The following DPYD variants were observed in gnomAD, a reference collection of about 807,000 sequenced individuals.
DPYD encodes the protein dihydropyrimidine dehydrogenase [NADP(+)].
Under a neutral mutation model 116.2 loss-of-function variants are expected in DPYD, and 109 were observed. The observed-to-expected ratio is 0.94, with a 90% CI of 0.80 to 1.10. The LOEUF is 1.10. Among genes scored for constraint, DPYD ranks in the 50% least tolerant of loss-of-function variants. The probability of loss-of-function intolerance (pLI) is 0.00; values close to 1 mark genes in which losing one functional copy is unlikely to be tolerated. For synonymous variants in DPYD, 440 were observed against 432.0 expected (o/e 1.02, Z -0.23); for missense variants, 1,302 against 1,254.5 (o/e 1.04, Z -0.57).
chr1:97,727,196 G>A (rs1465370572), intron 4 of DPYD, among the ~76,000 whole-genome samples: 5 of 151,674 alleles, frequency 3.3e-5, no homozygotes, highest in African/African-American at 1.2e-4. Flanking sequence ...GCATTAAATG[G>A]GTAACAGTCA....
intron 14 of DPYD, among the ~76,000 whole-genome samples, chr1:97,401,106 A>C (rs973553366): frequency 6.6e-6 from 1 of 152,004 alleles, no homozygotes; most frequent in Non-Finnish European, 1.5e-5. Flanking sequence ...CTATCTGTTT[A>C]TCTTCTTTGA....
intron 10 of DPYD, among the ~76,000 whole-genome samples, chr1:97,578,748 T>A (rs1216463044): frequency 6.6e-6 from 1 of 152,132 alleles, no homozygotes. Context: ...GTTCCCTTTG[T>A]GGGAAGAGGA....
chr1:97,693,290 C>CAAAAAAAAAAAAAAAAAAAAAAAAAAAAA (rs201872835), intron 6 of DPYD, among the ~76,000 whole-genome samples: 1 of 41,844 alleles, frequency 2.4e-5, no homozygotes. Context: ...GACTCCGTCT[C>CAAAAAAAAAAAAAAAAAAAAAAAAAAAAA]AAAAAAAAAA....
chr1:97,564,674 C>T (rs1239603636), intron 11 of DPYD, among the ~76,000 whole-genome samples: 1 of 152,072 alleles, frequency 6.6e-6, no homozygotes, highest in African/African-American at 2.4e-5. Flanking sequence ...ACCTGTTTAC[C>T]TCCCAGCTAG....
In DPYD at chr1:97,730,981, T is replaced by C. The variant is rs372360821; in HGVS notation, c.322-9310A>G. ...GAGAATCTTTAAGTTTGAGAAATTA[T>C]TGAAAGGTGAAGATTATTAATCAAA... On this transcript the variant is annotated intron_variant, in intron 4 of 22. Transcript: ENST00000370192. 5.3e-5 allele frequency among the ~76,000 whole-genome samples: 8 copies of C among 152,162 alleles called. No individual in the cohort carries two copies. In the East Asian group the frequency reaches 1.5e-3, roughly 29 times the overall value.
intron 13 of DPYD, among the ~76,000 whole-genome samples, chr1:97,474,846 T>C (rs1677865098): frequency 6.6e-6 from 1 of 151,996 alleles, no homozygotes; most frequent in African/African-American, 2.4e-5. Flanking sequence ...ATTAATAAAA[T>C]GCAATTCAGA....
chr1:97,520,129 G>C (rs964158992), intron 12 of DPYD, among the ~76,000 whole-genome samples: 5 of 151,916 alleles, frequency 3.3e-5, no homozygotes, highest in Non-Finnish European at 5.9e-5. Flanking sequence ...TGTTCATATA[G>C]AACTATTTTC....
At chr1:97,861,126 C>G (rs1372140205) in intron 2 of DPYD, among the ~76,000 whole-genome samples, 4 of 151,642 alleles carry the variant, frequency 2.6e-5, no homozygotes, top group Admixed American at 1.3e-4. Flanking sequence ...CAAAATACAC[C>G]GCAAAAAATA....
chr1:97,410,590 T>C (rs919778405), intron 14 of DPYD, among the ~76,000 whole-genome samples: 1 of 152,182 alleles, frequency 6.6e-6, no homozygotes, highest in Admixed American at 6.5e-5. Flanking sequence ...TTAAAAAATA[T>C]GCCATCGGAA....
chr1:97,916,364 G>A (rs182356068), intron 1 of DPYD, among the ~76,000 whole-genome samples: 243 of 152,132 alleles, frequency 1.6e-3, no homozygotes, highest in African/African-American at 5.6e-3. Flanking sequence ...GGTGTGTGAT[G>A]TTCCCCTTCC....
chr1:97,660,845 T>C (rs1029210553), intron 8 of DPYD, among the ~76,000 whole-genome samples: 3 of 152,174 alleles, frequency 2.0e-5, no homozygotes, highest in Non-Finnish European at 4.4e-5. Flanking sequence ...GCCTATGTTC[T>C]TCTTTTCTGG....
At chr1:97,815,013 G>A (rs1220392664) in intron 3 of DPYD, among the ~76,000 whole-genome samples, 2 of 149,512 alleles carry the variant, frequency 1.3e-5, no homozygotes, top group Admixed American at 6.7e-5. Flanking sequence ...AAGGGAAAAG[G>A]AAAAGGAAAG....
chr1:97,601,120 T>C (rs1190201304), intron 8 of DPYD, among the ~76,000 whole-genome samples: 2 of 152,156 alleles, frequency 1.3e-5, no homozygotes, highest in African/African-American at 4.8e-5. Flanking sequence ...AATCTCATTA[T>C]TTCCATTTTC....
At chr1:97,318,616 C>T (rs1668017382) in intron 16 of DPYD, among the ~76,000 whole-genome samples, 1 of 151,710 alleles carries the variant, frequency 6.6e-6, no homozygotes, top group Non-Finnish European at 1.5e-5. Context: ...ACTTAGACTC[C>T]CACACATTAA....
intron 16 of DPYD, among the ~76,000 whole-genome samples, chr1:97,330,991 AAACGC>A (rs1402031761): frequency 2.6e-5 from 4 of 152,230 alleles, no homozygotes; most frequent in Non-Finnish European, 5.9e-5. Context: ...TTTAAAAATA[AAACGC>A]AACTGCAAAG....
chr1:97,238,532 A>T (rs1203910163), intron 18 of DPYD, among the ~76,000 whole-genome samples: 2 of 152,342 alleles, frequency 1.3e-5, no homozygotes, highest in African/African-American at 2.4e-5. Flanking sequence ...AAGTAATAAT[A>T]GGTTCAAGAT....
chr1:97,169,431 G>T (rs1557908206), intron 20 of DPYD, among the ~76,000 whole-genome samples: 1 of 152,058 alleles, frequency 6.6e-6, no homozygotes, highest in African/African-American at 2.4e-5. Context: ...TCTTTCCAAG[G>T]CGAAATACTT....
intron 18 of DPYD, among the ~76,000 whole-genome samples, chr1:97,274,549 C>G (rs1296464384): frequency 1.3e-5 from 2 of 152,066 alleles, no homozygotes; most frequent in Admixed American, 6.6e-5. Flanking sequence ...TATAAATTAC[C>G]CAGCCTTGGG....
intron 13 of DPYD, among the ~76,000 whole-genome samples, chr1:97,500,219 C>T (rs543534846): frequency 1.3e-5 from 2 of 152,094 alleles, no homozygotes; most frequent in African/African-American, 4.8e-5. Context: ...CCACTCACAT[C>T]CACACAGAAA....
Sources: allele counts gnomAD v4.1 joint callset (sites outside exome capture counted in the v4.1 genomes callset), GRCh38; gene constraint gnomAD v4.1.1; transcripts MANE v1.5; gene names NCBI Gene and HGNC (gene_info 2026-07-23, HGNC 2026-07-21).